The following STXBP5L variants were observed in gnomAD, a reference collection of about 807,000 sequenced individuals.
STXBP5L encodes syntaxin-binding protein 5-like.
A neutral mutation model predicts 144.5 loss-of-function variants in STXBP5L; 65 were observed. The observed-to-expected ratio is 0.45, with a 90% CI of 0.37 to 0.55. STXBP5L has a LOEUF of 0.55. Ranked by LOEUF, STXBP5L falls within the 20% of genes least tolerant of loss-of-function variation. STXBP5L has a pLI of 0.00. For missense variants in STXBP5L, 1,298 were observed against 1,405.5 expected, an observed-to-expected ratio of 0.92 and a Z score of 1.22; for synonymous variants, 505 against 469.6, an observed-to-expected ratio of 1.08 and a Z score of -0.97.
chr3:121,114,048 A>G (rs745395414), intron 5 of STXBP5L, among the ~76,000 whole-genome samples: 9 of 152,160 alleles, frequency 5.9e-5, no homozygotes, highest in African/African-American at 1.7e-4. Context: ...TGAAAAATTT[A>G]TTGGTCTGTC....
At chr3:120,999,959 G>A (rs925901594) in intron 3 of STXBP5L, among the ~76,000 whole-genome samples, 1 of 152,100 alleles carries the variant, frequency 6.6e-6, no homozygotes. Context: ...TAGCTTACAG[G>A]GTTTCTGCTG....
At chr3:121,090,430 C>T (rs146463772) in intron 5 of STXBP5L, among the ~76,000 whole-genome samples, 79 of 152,214 alleles carry the variant, frequency 5.2e-4, no homozygotes, top group Admixed American at 9.8e-4. Context: ...ATGGATTCTA[C>T]TAACCCAATT....
intron 5 of STXBP5L, among the ~76,000 whole-genome samples, chr3:121,091,308 T>C (rs903799206): frequency 5.4e-5 from 8 of 147,662 alleles, no homozygotes; most frequent in African/African-American, 1.8e-4. Flanking sequence ...ATGGGATGGC[T>C]GGGTCAAATG....
At chr3:121,133,200 A>C (rs1170408183) in intron 7 of STXBP5L, among the ~76,000 whole-genome samples, 2 of 152,112 alleles carry the variant, frequency 1.3e-5, no homozygotes, top group Admixed American at 6.6e-5. Flanking sequence ...CAAGACCCTG[A>C]TTTTATGAAA....
chr3:121,203,954 C>T (rs572568891), intron 9 of STXBP5L, among the ~76,000 whole-genome samples: 1 of 152,162 alleles, frequency 6.6e-6, no homozygotes, highest in East Asian at 1.9e-4. Flanking sequence ...GACTATTGTT[C>T]AGGGCTGGGC....
intron 6 of STXBP5L, 134 bp from the exon 7 acceptor site, chr3:121,121,507 T>A (rs2044462518): frequency 3.8e-6 from 2 of 528,566 alleles, no homozygotes; most frequent in South Asian, 4.6e-5. Context: ...AATAAAAAAC[T>A]TAAGTGAATC....
intron 19 of STXBP5L, among the ~76,000 whole-genome samples, chr3:121,303,763 C>T (rs1465440251): frequency 3.3e-5 from 5 of 152,052 alleles, no homozygotes; most frequent in African/African-American, 1.2e-4. Flanking sequence ...TCATTCTCAG[C>T]AAACTATCGC....
At chr3:121,392,067 G>A (rs2046602608) in intron 22 of STXBP5L, among the ~76,000 whole-genome samples, 1 of 152,286 alleles carries the variant, frequency 6.6e-6, no homozygotes, top group Non-Finnish European at 1.5e-5. Flanking sequence ...CATCCAGTTT[G>A]TTTCCTGGCC....
intron 7 of STXBP5L, among the ~76,000 whole-genome samples, chr3:121,122,621 T>G (rs560792942): frequency 6.6e-6 from 1 of 151,610 alleles, no homozygotes; most frequent in Admixed American, 6.6e-5. Context: ...AGGACATAAT[T>G]AGCTATTGAA....
At chr3:120,983,831 A>G (rs975945707) in intron 3 of STXBP5L, among the ~76,000 whole-genome samples, 5 of 152,130 alleles carry the variant, frequency 3.3e-5, no homozygotes, top group Non-Finnish European at 5.9e-5. Context: ...GTTGAATTCC[A>G]GTGTTCTCTC....
At chr3:121,048,353 G>A (rs374089664) in intron 5 of STXBP5L, among the ~76,000 whole-genome samples, 17 of 152,126 alleles carry the variant, frequency 1.1e-4, no homozygotes, top group African/African-American at 3.1e-4. Context: ...AGTATCTCAC[G>A]CTGGTTCTCT....
At chr3:120,944,161 G>T (rs1257326521) in intron 2 of STXBP5L, among the ~76,000 whole-genome samples, 2 of 150,808 alleles carry the variant, frequency 1.3e-5, no homozygotes, top group Non-Finnish European at 3.0e-5. Context: ...TGTAATGGGG[G>T]TAGGTGAGAA....
chr3:121,396,836 A>T (rs188106620), intron 22 of STXBP5L, among the ~76,000 whole-genome samples: 8 of 152,246 alleles, frequency 5.3e-5, no homozygotes, highest in Non-Finnish European at 4.4e-5. Flanking sequence ...TGAGTGATGT[A>T]AAAAGGGTGC....
At chr3:120,988,391 G>C (rs950157584) in intron 3 of STXBP5L, among the ~76,000 whole-genome samples, 1 of 151,528 alleles carries the variant, frequency 6.6e-6, no homozygotes, top group Non-Finnish European at 1.5e-5. Flanking sequence ...TAATTAATTT[G>C]CAAGTGTTTG....
chr3:120,948,139 T>C (rs1710974721), intron 2 of STXBP5L, among the ~76,000 whole-genome samples: 1 of 151,738 alleles, frequency 6.6e-6, no homozygotes, highest in African/African-American at 2.4e-5. Context: ...TTATTATAGT[T>C]ATCCTAGTGG....
chr3:121,021,473 C>A (rs1241554437), intron 3 of STXBP5L, among the ~76,000 whole-genome samples: 4 of 152,138 alleles, frequency 2.6e-5, no homozygotes, highest in Non-Finnish European at 5.9e-5. Flanking sequence ...ACCTTCCATT[C>A]ATTAGCATAT....
intron 20 of STXBP5L, among the ~76,000 whole-genome samples, chr3:121,343,788 A>G (rs2044832166): frequency 6.6e-6 from 1 of 152,180 alleles, no homozygotes; most frequent in East Asian, 1.9e-4. Context: ...GCTCATGGGT[A>G]GGAAGAATCA....
At chr3:121,004,719 C>A (rs532473020) in intron 3 of STXBP5L, among the ~76,000 whole-genome samples, 2 of 152,044 alleles carry the variant, frequency 1.3e-5, no homozygotes, top group Non-Finnish European at 2.9e-5. Flanking sequence ...TTTTGAGATA[C>A]GTCCCATGAA....
At chr3:121,090,027 G>C (rs1024309793) in intron 5 of STXBP5L, among the ~76,000 whole-genome samples, 28 of 151,722 alleles carry the variant, frequency 1.8e-4, no homozygotes, top group Non-Finnish European at 2.9e-4. Context: ...TTAAATATTT[G>C]TTAGCAAATT....
Sources: gnomAD v4.1 joint callset for allele counts (sites outside exome capture counted in the v4.1 genomes callset) on GRCh38, gnomAD v4.1.1 for gene constraint, MANE v1.5 for transcripts, NCBI Gene and HGNC (gene_info 2026-07-23, HGNC 2026-07-21) for gene names.